ARHGEF1: variants seen among roughly 807,000 people sequenced by gnomAD.
ARHGEF1 encodes 115 kDa guanine nucleotide exchange factor.
In ARHGEF1, 40 loss-of-function variants were observed where a neutral mutation model predicts 119.7. That is an observed-to-expected ratio of 0.33 (90% CI 0.26 to 0.44). The LOEUF (loss-of-function observed/expected upper bound fraction) is 0.44, where lower values mean the gene tolerates loss of function less well. Among genes scored for constraint, ARHGEF1 ranks in the 20% least tolerant of loss-of-function variants. ARHGEF1 has a pLI of 1.00. For missense variants in ARHGEF1, 976 were observed against 1,268.3 expected, an observed-to-expected ratio of 0.77 and a Z score of 3.50; for synonymous variants, 494 against 521.0, an observed-to-expected ratio of 0.95 and a Z score of 0.71.
chr19:41,903,501 C>A lies in ARHGEF1; in HGVS notation c.1839+94C>A, dbSNP rs868938740. On this transcript the variant is annotated intron_variant, in intron 19 of 28. Transcript: ENST00000354532. This position sits in a 1 kb window ranked among gnomAD's most constrained non-coding sequence, Gnocchi z 4.2. ...GCCTGTCCAGAAGTCACACCCCACC[C>A]CTTGGCTTGTCTCCCTCAAGGGTCA... 1 of 1,285,982 alleles carries A rather than the reference C, an allele frequency of 7.8e-7. No individual in the cohort carries two copies. The highest frequency in any genetic ancestry group is 1.1e-6 in the Non-Finnish European group (1 of 914,594). 79.7% of individuals were successfully genotyped at this position (1,285,982 alleles called of 1,614,324 possible). A position where few individuals can be genotyped will look rare whatever the true frequency, so the allele number is the denominator to read the frequency against.
At chr19:41,893,176 C>T (rs2123416075) in intron 7 of ARHGEF1, 98 bp from the exon 8 acceptor site, 1 of 1,517,526 alleles carries the variant, frequency 6.6e-7, no homozygotes, top group Non-Finnish European at 9.0e-7. Flanking sequence ...CTCTCTTCCC[C>T]CTGCCTATCC....
In ARHGEF1 at chr19:41,903,701, C is replaced by T. The variant is rs369773720; in HGVS notation, c.1840-6C>T. On this transcript the variant is annotated splice_region_variant and splice_polypyrimidine_tract_variant and intron_variant, in intron 19 of 28. Transcript: ENST00000354532. This position sits in a 1 kb window ranked among gnomAD's most constrained non-coding sequence, Gnocchi z 4.2. ...TGTCCCCATAATGCTCCCGTCTCTG[C>T]CCCAGAGGCTCAAGGACTATCAGCG... The T allele has an allele frequency of 1.9e-6, 3 of 1,612,330 alleles. No individual in the cohort carries two copies. Among genetic ancestry groups the T allele is most frequent in the Non-Finnish European group, 2.5e-6 (3 of 1,179,980 alleles).
In ARHGEF1 at chr19:41,883,865, CCTT is replaced by C. The variant is rs1186632724; in HGVS notation, c.-20+579_-20+581del. On this transcript the variant is annotated intron_variant, in intron 1 of 28. Coordinates refer to ENST00000354532, the MANE Select transcript of ARHGEF1 (RefSeq NM_004706.4). This position sits in a 1 kb window ranked among gnomAD's most constrained non-coding sequence, Gnocchi z 7.6. Reference sequence around the variant, plus strand: ...ACAGGTGTAGGGAGAGAGCTGGAGGCCTTCTCCCATTGTACGGATGGGAAGACT... The same window carrying C: ...ACAGGTGTAGGGAGAGAGCTGGAGGCCTCCCATTGTACGGATGGGAAGACT... Among the ~76,000 whole-genome samples, 1 of 151,998 alleles carries C rather than the reference CCTT, an allele frequency of 6.6e-6. No homozygotes were observed. Among genetic ancestry groups the C allele is most frequent in the Non-Finnish European group, 1.5e-5 (1 of 67,998 alleles).
At chr19:41,887,573 G>A (rs1379074248) in intron 1 of ARHGEF1, among the ~76,000 whole-genome samples, 1 of 152,130 alleles carries the variant, frequency 6.6e-6, no homozygotes, top group Non-Finnish European at 1.5e-5. Context: ...TCCTGTCACA[G>A]GAAGTGGGGC....
upstream of ARHGEF1, among the ~76,000 whole-genome samples, chr19:41,921,795 C>T (rs868955677): frequency 4.6e-5 from 7 of 152,086 alleles, no homozygotes; most frequent in East Asian, 1.9e-4. This position sits in a 1 kb window ranked among gnomAD's most constrained non-coding sequence, Gnocchi z 4.4. Context: ...CCTCGTCCTC[C>T]GCCCCACCTC....
chr19:41,910,811 C>T (rs2074747411), downstream of ARHGEF1, among the ~76,000 whole-genome samples: 2 of 152,184 alleles, frequency 1.3e-5, no homozygotes, highest in South Asian at 4.1e-4. The surrounding 1 kb of genome is among the most constrained non-coding windows in gnomAD (Gnocchi z 4.4). Context: ...CACTGGGACA[C>T]AGGCACACCG....
In ARHGEF1 at chr19:41,895,407, G is replaced by T. The variant is rs1555847362; in HGVS notation, c.936G>T (p.Arg312=). 6.2e-7 allele frequency: 1 copy of T among 1,612,814 alleles called. No individual in the cohort carries two copies. The highest frequency in any genetic ancestry group is 8.5e-7 in the Non-Finnish European group (1 of 1,179,602). Residue 312 remains arginine (R), a synonymous_variant, in exon 12 of 29, where the codon CGG becomes CGT. Coordinates refer to ENST00000354532, the MANE Select transcript of ARHGEF1 (RefSeq NM_004706.4). The stretch of plus-strand genomic sequence containing the variant: ...GCGTGGGGATGCCCTCTCGGGACCG[G>T]AATATCGGGGCTCCTGGGCAGGACA... ...KGGVGMPSRD[R]NIGAPGQDTP...
chr19:41,914,740 TCTGTCTCTCCCTCCCCTTCCA>T (rs1555851654), intron 18 of ARHGEF1, among the ~76,000 whole-genome samples: 3 of 24,032 alleles, frequency 1.2e-4, no homozygotes, highest in African/African-American at 3.3e-4. Context: ...TTCCACCATC[TCTGTCTCTCCCTCCCCTTCCA>T]CCGTCTCTGT....
intron 11 of ARHGEF1, 109 bp downstream of exon 11, chr19:41,894,770 C>T: frequency 8.0e-7 from 1 of 1,244,924 alleles, no homozygotes; most frequent in Non-Finnish European, 1.1e-6. Context: ...ACGCCTGGTT[C>T]TGAGGGAGGA....
chr19:41,890,014 C>T (rs566693602), intron 4 of ARHGEF1: 4 of 152,270 alleles, frequency 2.6e-5, no homozygotes, highest in South Asian at 4.1e-4. Context: ...GAGGTGACCC[C>T]GGCGGCCTCT....
In ARHGEF1 at chr19:41,902,858, C is replaced by G; in HGVS notation, c.1698C>G (p.Thr566=). The G allele has an allele frequency of 2.5e-6, 4 of 1,613,084 alleles. No individual in the cohort carries two copies. Among genetic ancestry groups the G allele is most frequent in the Non-Finnish European group, 3.4e-6 (4 of 1,179,864 alleles). Residue 566 remains threonine (T), a synonymous_variant, in exon 18 of 29, where the codon ACC becomes ACG. Transcript: ENST00000354532. This position sits in a 1 kb window ranked among gnomAD's most constrained non-coding sequence, Gnocchi z 6.5. Reference sequence around the variant, plus strand: ...TCCCCACGGAGATGCAGCGGCTGACCAAGTACCCCCTGCTCCTGCAGAGCA... The same window carrying G: ...TCCCCACGGAGATGCAGCGGCTGACGAAGTACCCCCTGCTCCTGCAGAGCA... ...DMIPTEMQRL[T]KYPLLLQSIG...
At position 41,905,834 on chromosome 19, in the gene ARHGEF1, C is replaced by A. The variant is rs781840082; in HGVS notation, c.2404+7C>A. 1.1e-5 allele frequency: 18 copies of A among 1,614,012 alleles called. No homozygotes were observed. The highest frequency in any genetic ancestry group is 9.3e-6 in the Non-Finnish European group (11 of 1,179,998). On this transcript the variant is annotated splice_region_variant and intron_variant, in intron 25 of 28. Transcript: ENST00000354532. This position sits in a 1 kb window ranked among gnomAD's most constrained non-coding sequence, Gnocchi z 6.4. ...GAGACGTCTCCAGCTGATGGTGAGA[C>A]CAGAGGGATGCTGGGTGAGGGGCCA...
At chr19:41,919,323 G>C (rs11878536), upstream of ARHGEF1, among the ~76,000 whole-genome samples, 40,560 of 152,068 alleles carry the variant, frequency 0.27, 11,631 homozygotes, top group African/African-American at 0.72. Context: ...AGAAGTTGCA[G>C]ACACATGCGC....
At chr19:41,909,465 G>A (rs1006539912), downstream of ARHGEF1, 8 of 1,242,572 alleles carry the variant, frequency 6.4e-6, no homozygotes, top group African/African-American at 4.6e-5. This position sits in a 1 kb window ranked among gnomAD's most constrained non-coding sequence, Gnocchi z 5.2. Flanking sequence ...GCTTGTTGTA[G>A]TAGTAACTGT....
At chr19:41,908,423 G>T, downstream of ARHGEF1, 1 of 1,231,222 alleles carries the variant, frequency 8.1e-7, no homozygotes, top group Non-Finnish European at 1.0e-6. The surrounding 1 kb of genome is among the most constrained non-coding windows in gnomAD (Gnocchi z 6.7). Flanking sequence ...CCAGGCCCGA[G>T]GGGCGCTCGG....
intron 13 of ARHGEF1, chr19:41,897,842 C>T: frequency 5.0e-6 from 6 of 1,199,002 alleles, no homozygotes; most frequent in Non-Finnish European, 6.4e-6. Flanking sequence ...CTCTCCCCGT[C>T]TCTGTCCCTG....
chr19:41,889,083 G>A lies in ARHGEF1; in HGVS notation c.225+218G>A, dbSNP rs540307627. The A allele has an allele frequency of 6.0e-5, 31 of 518,364 alleles. No individual in the cohort carries two copies. The highest frequency in any genetic ancestry group is 3.2e-4 in the Admixed American group (10 of 30,994). The allele number at this position is 518,364 out of a possible 1,614,324, so 32.1% of individuals were successfully genotyped here. ...AAGTGCCCAGGGTAGATCTCAGTGC[G>A]CAGCGGGCAGGGTACACACGTCAGG... On this transcript the variant is annotated intron_variant, in intron 4 of 28. Coordinates refer to ENST00000354532, the MANE Select transcript of ARHGEF1 (RefSeq NM_004706.4). This position sits in a 1 kb window ranked among gnomAD's most constrained non-coding sequence, Gnocchi z 4.0.
At chr19:41,884,692 C>T (rs1555844979) in intron 1 of ARHGEF1, among the ~76,000 whole-genome samples, 1 of 152,116 alleles carries the variant, frequency 6.6e-6, no homozygotes, top group Admixed American at 6.5e-5. Context: ...TTCCTGCCAG[C>T]CCCCCATGGA....
At chr19:41,893,171 T>C in intron 7 of ARHGEF1, 103 bp from the exon 8 acceptor site, 3 of 1,492,538 alleles carry the variant, frequency 2.0e-6, no homozygotes, top group Non-Finnish European at 1.8e-6. Context: ...TCTGTCTCTC[T>C]TCCCCCTGCC....
Sources: gnomAD v4.1 joint callset for allele counts (sites outside exome capture counted in the v4.1 genomes callset) on GRCh38, gnomAD v4.1.1 for gene constraint, Gnocchi (gnomAD v3.1) non-coding constraint, MANE v1.5 for transcripts, NCBI Gene and HGNC (gene_info 2026-07-23, HGNC 2026-07-21) for gene names.